Variants in C5orf22 observed in about 807,000 individuals in gnomAD.
C5orf22 encodes the protein chromosome 5 open reading frame 22, also known as UPF0489 protein C5orf22.
C5orf22 carries 36 observed loss-of-function variants against 48.7 expected under a neutral mutation model. The ratio of observed to expected loss-of-function variants is 0.74; its 90% CI spans 0.57 to 0.98. The LOEUF is 0.98. C5orf22 is among the 50% of genes least tolerant of loss of function. The probability of loss-of-function intolerance (pLI) is 0.00; values close to 1 mark genes in which losing one functional copy is unlikely to be tolerated. For missense variants in C5orf22, 486 were observed against 521.9 expected, an observed-to-expected ratio of 0.93 and a Z score of 0.67; for synonymous variants, 141 against 180.8, an observed-to-expected ratio of 0.78 and a Z score of 1.76.
Position 31,532,361 on chromosome 5 carries a change from C to A in C5orf22, c.-32C>A, listed in dbSNP as rs768434535. ...TTCCCGGGTCTTCTCCAGCTGCCAC[C>A]GCTTTACTGCAAAACTGACGGGCGC... On this transcript the variant is annotated 5_prime_UTR_variant, in exon 1 of 9. Coordinates refer to ENST00000325366, the MANE Select transcript of C5orf22 (RefSeq NM_018356.3). The A allele has an allele frequency of 6.2e-7, 1 of 1,612,254 alleles. No homozygotes were observed. The highest frequency in any genetic ancestry group is 8.5e-7 in the Non-Finnish European group (1 of 1,178,438).
chr5:31,547,765 C>A (rs1276216015), intron 7 of C5orf22, among the ~76,000 whole-genome samples: 1 of 152,230 alleles, frequency 6.6e-6, no homozygotes, highest in Non-Finnish European at 1.5e-5. Context: ...CTGGGCCCTG[C>A]CCATGGAACA....
chr5:31,536,539 ACAAAC>A (rs1742106495), intron 3 of C5orf22, among the ~76,000 whole-genome samples: 1 of 151,638 alleles, frequency 6.6e-6, no homozygotes, highest in African/African-American at 2.4e-5. Context: ...AAAACAAAAA[ACAAAC>A]AAACAAAAAA....
Position 31,538,470 on chromosome 5 carries a change from C to T in C5orf22, c.588C>T (p.Asp196=). 6.2e-7 allele frequency: 1 copy of T among 1,614,202 alleles called. No homozygotes were observed. The highest frequency in any genetic ancestry group is 8.5e-7 in the Non-Finnish European group (1 of 1,180,034). ...AAAACACTGCCTCTACTAACTGTGA[C>T]TCTTCTTCAGAAGGACTGGAAAAGG... ...DSENTASTNC[D]SSSEGLEKDT... is the part of the protein sequence containing the mutation. The change falls in exon 4 of 9, where the codon GAC becomes GAT. Residue 196 remains aspartate (D), a synonymous_variant. Coordinates refer to ENST00000325366, the MANE Select transcript of C5orf22 (RefSeq NM_018356.3).
rs528009766 is a variant in C5orf22, at chr5:31,534,421, A to C, written c.227+4A>C. The C allele has an allele frequency of 1.3e-6, 2 of 1,599,060 alleles. No individual in the cohort carries two copies. Among genetic ancestry groups the C allele is most frequent in the South Asian group, 2.3e-5 (2 of 87,388 alleles). ...TTGATAAGGAAACACTCTTTGGGTA[A>C]TATGTGATTTTATTTATGGTCTTTT... On this transcript the variant is annotated splice_donor_region_variant and intron_variant, in intron 2 of 8. Coordinates refer to ENST00000325366, the MANE Select transcript of C5orf22 (RefSeq NM_018356.3).
chr5:31,535,121 G>A (rs1741995067), intron 2 of C5orf22: 2 of 398,090 alleles, frequency 5.0e-6, no homozygotes, highest in South Asian at 1.8e-5. Flanking sequence ...CTTTGATAGT[G>A]CGCCAAAACT....
chr5:31,545,679 G>GA lies in C5orf22; in HGVS notation c.1032dup (p.Arg345ThrfsTer8), dbSNP rs776818016. On this transcript the variant is annotated frameshift_variant, in exon 7 of 9. Transcript: ENST00000325366. LOFTEE classifies it high-confidence loss of function. ...CACTAGTTCCCCTTGTACAGAGTTT[G>GA]AAAAAACGGATGGAAGTACCAGACT... 2 of 1,609,938 alleles carry GA rather than the reference G, an allele frequency of 1.2e-6. No homozygotes were observed. Among genetic ancestry groups the GA allele is most frequent in the South Asian group, 1.1e-5 (1 of 90,370 alleles).
Position 31,551,419 on chromosome 5 carries a change from GT to G in C5orf22, c.1187del (p.Val396GlyfsTer35). ...GAAAAATTTACCAAATCCTACTCTT[GT>G]GACAATTGCAAGGTAAGTGTGTTCA... ...LLKNLPNPTL[V>X]TIARSSLDDY... On this transcript the variant is annotated frameshift_variant, in exon 8 of 9. Coordinates refer to ENST00000325366, the MANE Select transcript of C5orf22 (RefSeq NM_018356.3). LOFTEE classifies it high-confidence loss of function. The G allele has an allele frequency of 6.2e-7, 1 of 1,610,980 alleles. No individual in the cohort carries two copies. The highest frequency in any genetic ancestry group is 1.1e-5 in the South Asian group (1 of 90,468).
At chr5:31,534,178 A>G in intron 1 of C5orf22, 94 bp from the exon 2 acceptor site, 5 of 1,064,566 alleles carry the variant, frequency 4.7e-6, no homozygotes, top group Non-Finnish European at 6.9e-6. Context: ...GCTTTCAATT[A>G]TGTGCATTAT....
rs899088127 is a variant in C5orf22 at position 31,534,204 on chromosome 5, A to G, written c.82-68A>G. The G allele has an allele frequency of 2.0e-5, 26 of 1,293,120 alleles. No individual in the cohort carries two copies. The Admixed American group carries it at 5.4e-4, about 27-fold the overall frequency. The allele number at this position is 1,293,120 out of a possible 1,614,324, so 80.1% of individuals were successfully genotyped here. A position where few individuals can be genotyped will look rare whatever the true frequency, so the allele number is the denominator to read the frequency against. On this transcript the variant is annotated intron_variant, in intron 1 of 8. Transcript: ENST00000325366. ...TGTGCATTATTTAGCATTGTTTTTC[A>G]GTCTGCAGTTGAGTGTGTGCTCATG...
At chr5:31,535,915 A>T in intron 3 of C5orf22, 22 bp downstream of exon 3, 2 of 1,603,844 alleles carry the variant, frequency 1.2e-6, no homozygotes, top group Non-Finnish European at 1.7e-6. Flanking sequence ...ATATTTGTGA[A>T]TATGGAAGTG....
chr5:31,534,525 TTTTG>T (rs1741959912), intron 2 of C5orf22, 108 bp downstream of exon 2: 4 of 1,005,906 alleles, frequency 4.0e-6, no homozygotes, highest in Non-Finnish European at 4.3e-6. Context: ...TTTGGGGGTT[TTTTG>T]TTTGTCTTTT....
In C5orf22 at chr5:31,553,866, G is replaced by A. The variant is rs986623103; in HGVS notation, c.*964G>A. The A allele has an allele frequency of 4.6e-5, 7 of 152,292 alleles. No individual in the cohort carries two copies. The highest frequency in any genetic ancestry group is 8.8e-5 in the Non-Finnish European group (6 of 68,020). The allele number at this position is 152,292 out of a possible 1,614,324, so 9.4% of individuals were successfully genotyped here. A position where few individuals can be genotyped will look rare whatever the true frequency, so the allele number is the denominator to read the frequency against. On this transcript the variant is annotated 3_prime_UTR_variant, in exon 9 of 9. Coordinates refer to ENST00000325366, the MANE Select transcript of C5orf22 (RefSeq NM_018356.3). ...TCTCTTGTGCATCCAGGAGGTCATT[G>A]TAGATATCAATAATATAGTGCCTAA...
At chr5:31,547,818 A>G (rs566090355) in intron 7 of C5orf22, among the ~76,000 whole-genome samples, 4 of 152,212 alleles carry the variant, frequency 2.6e-5, no homozygotes, top group Admixed American at 1.3e-4. Context: ...GGGAGGGGCT[A>G]CCGCAAAGGT....
In C5orf22 at chr5:31,541,015, T is replaced by A; in HGVS notation, c.870+4T>A. ...ACCTGGCACCAACCTAACAGAGGTA[T>A]CCTCCATTTGTTTCTTTGGGGTTTT... On this transcript the variant is annotated splice_donor_region_variant and intron_variant, in intron 5 of 8. Transcript: ENST00000325366. 2 of 1,604,392 alleles carry A rather than the reference T, an allele frequency of 1.2e-6. No individual in the cohort carries two copies. The highest frequency in any genetic ancestry group is 1.7e-6 in the Non-Finnish European group (2 of 1,172,184).
intron 8 of C5orf22, among the ~76,000 whole-genome samples, chr5:31,551,838 T>A (rs993978416): frequency 7.2e-5 from 11 of 152,310 alleles, no homozygotes; most frequent in African/African-American, 2.6e-4. Context: ...TAGTGTTGCT[T>A]TAAGCTACTA....
intron 7 of C5orf22, among the ~76,000 whole-genome samples, 167 bp from the exon 8 acceptor site, chr5:31,551,126 C>T (rs1317558010): frequency 6.6e-6 from 1 of 152,110 alleles, no homozygotes; most frequent in Non-Finnish European, 1.5e-5. Flanking sequence ...ATCCCAGTTA[C>T]CCTGATTTGA....
chr5:31,539,082 C>A, intron 4 of C5orf22, among the ~76,000 whole-genome samples: 1 of 151,488 alleles, frequency 6.6e-6, no homozygotes, highest in East Asian at 1.9e-4. Context: ...AGGAAATATT[C>A]AGAAAAAATA....
chr5:31,534,531 TTGTC>T lies in C5orf22; in HGVS notation c.227+116_227+119del, dbSNP rs1237909409. 14 of 860,660 alleles carry T rather than the reference TTGTC, an allele frequency of 1.6e-5. No individual in the cohort carries two copies. In the Admixed American group the frequency reaches 1.8e-4, roughly 11 times the overall value. 53.3% of individuals were successfully genotyped at this position (860,660 alleles called of 1,614,324 possible). On this transcript the variant is annotated intron_variant, in intron 2 of 8. Coordinates refer to ENST00000325366, the MANE Select transcript of C5orf22 (RefSeq NM_018356.3). Reference sequence around the variant, plus strand: ...ACTCATGGGTTTGGGGGTTTTTTGTTTGTCTTTTTGTCTTTTTCATTTTATTTAG... The same window carrying T: ...ACTCATGGGTTTGGGGGTTTTTTGTTTTTTTGTCTTTTTCATTTTATTTAG...
At chr5:31,547,200 A>G (rs1013069180) in intron 7 of C5orf22, among the ~76,000 whole-genome samples, 6 of 152,258 alleles carry the variant, frequency 3.9e-5, no homozygotes, top group African/African-American at 1.2e-4. Flanking sequence ...CTTTGACTCC[A>G]TGTCTCACAT....
Sources: gnomAD v4.1 joint callset for allele counts (sites outside exome capture counted in the v4.1 genomes callset) on GRCh38, gnomAD v4.1.1 for gene constraint, MANE v1.5 for transcripts, NCBI Gene and HGNC (gene_info 2026-07-23, HGNC 2026-07-21) for gene names.